KCTD8: variants seen among roughly 807,000 people sequenced by gnomAD.
KCTD8 encodes BTB/POZ domain-containing protein KCTD8.
KCTD8 carries 27 observed loss-of-function variants against 31.5 expected under a neutral mutation model. The ratio of observed to expected loss-of-function variants is 0.86; its 90% confidence interval spans 0.63 to 1.18. The LOEUF (loss-of-function observed/expected upper bound fraction) is 1.18. Ranked by LOEUF, KCTD8 falls within the 50% of genes most tolerant of loss-of-function variation. The probability of loss-of-function intolerance (pLI) is 0.00; values close to 1 mark genes in which losing one functional copy is unlikely to be tolerated. For synonymous variants in KCTD8, 290 were observed against 280.0 expected, an observed-to-expected ratio of 1.04 and a Z score of -0.36; for missense variants, 658 against 647.7, an observed-to-expected ratio of 1.02 and a Z score of -0.17.
At chr4:44,202,176 G>A (rs1011415508) in intron 1 of KCTD8, among the ~76,000 whole-genome samples, 2 of 152,230 alleles carry the variant, frequency 1.3e-5, no homozygotes, top group South Asian at 2.1e-4. Flanking sequence ...AAGGGAATAC[G>A]TGTACACTGT....
chr4:44,260,574 T>A (rs1716132297), intron 1 of KCTD8, among the ~76,000 whole-genome samples: 1 of 151,928 alleles, frequency 6.6e-6, no homozygotes, highest in Non-Finnish European at 1.5e-5. Context: ...AGCAAAGGCA[T>A]GAACGAAATG....
intron 1 of KCTD8, among the ~76,000 whole-genome samples, chr4:44,283,261 A>C (rs1406503063): frequency 6.6e-6 from 1 of 151,808 alleles, no homozygotes; most frequent in Non-Finnish European, 1.5e-5. Context: ...TGTTGGCCAG[A>C]CTGGTCTCAA....
At chr4:44,312,798 T>C (rs1358921277) in intron 1 of KCTD8, among the ~76,000 whole-genome samples, 1 of 152,212 alleles carries the variant, frequency 6.6e-6, no homozygotes, top group African/African-American at 2.4e-5. Flanking sequence ...GTTTGATGAT[T>C]GATCCAGGTA....
intron 1 of KCTD8, among the ~76,000 whole-genome samples, chr4:44,209,723 T>G (rs370365620): frequency 6.6e-6 from 1 of 152,162 alleles, no homozygotes; most frequent in African/African-American, 2.4e-5. Flanking sequence ...TCATTGTGTG[T>G]TAACATTGGA....
At chr4:44,436,086 C>T (rs1451414534) in intron 1 of KCTD8, among the ~76,000 whole-genome samples, 1 of 152,036 alleles carries the variant, frequency 6.6e-6, no homozygotes, top group Non-Finnish European at 1.5e-5. Flanking sequence ...TGCGAAGTTA[C>T]AATGGAGGGA....
At chr4:44,442,651 A>C (rs1254147505) in intron 1 of KCTD8, among the ~76,000 whole-genome samples, 1 of 152,148 alleles carries the variant, frequency 6.6e-6, no homozygotes, top group Admixed American at 6.6e-5. Flanking sequence ...ACAAGCAGAC[A>C]ATCATTTTCA....
chr4:44,270,562 G>C (rs1716561491), intron 1 of KCTD8, among the ~76,000 whole-genome samples: 1 of 151,272 alleles, frequency 6.6e-6, no homozygotes, highest in African/African-American at 2.4e-5. Context: ...AAAAAAAGAA[G>C]GTGACCTTAG....
chr4:44,290,030 C>A (rs774726032), intron 1 of KCTD8, among the ~76,000 whole-genome samples: 3 of 152,042 alleles, frequency 2.0e-5, no homozygotes, highest in Non-Finnish European at 2.9e-5. Flanking sequence ...GAAGTTGGAT[C>A]AGAAGACAAG....
At chr4:44,431,579 AAAC>A (rs1203612873) in intron 1 of KCTD8, among the ~76,000 whole-genome samples, 3 of 151,516 alleles carry the variant, frequency 2.0e-5, no homozygotes, top group Non-Finnish European at 3.0e-5. Context: ...TTAATTTTAA[AAAC>A]AACAACAACA....
At position 44,323,680 on chromosome 4, in the gene KCTD8, A is replaced by G. The variant is rs559765299; in HGVS notation, c.961+123883T>C. ...TGAAAAATTACTTTCAGTGGCAAAA[A>G]CCACAATTACTTTTGTACCAACCTA... On this transcript the variant is annotated intron_variant, in intron 1 of 1. Transcript: ENST00000360029. Among the ~76,000 whole-genome samples, 46 of 151,830 alleles carry G rather than the reference A, an allele frequency of 3.0e-4. No homozygotes were observed. The Middle Eastern group carries it at 0.014, about 45-fold the overall frequency.
intron 1 of KCTD8, among the ~76,000 whole-genome samples, chr4:44,372,906 A>G (rs1290536005): frequency 2.0e-5 from 3 of 152,188 alleles, no homozygotes; most frequent in African/African-American, 7.2e-5. Flanking sequence ...CAGCTGTATC[A>G]ATGGCTTTAG....
At chr4:44,416,568 T>C (rs931952264) in intron 1 of KCTD8, among the ~76,000 whole-genome samples, 7 of 152,164 alleles carry the variant, frequency 4.6e-5, no homozygotes, top group Non-Finnish European at 1.0e-4. Flanking sequence ...GAGCACCATA[T>C]CCTTCCTTGG....
At chr4:44,232,023 A>G (rs1407847957) in intron 1 of KCTD8, among the ~76,000 whole-genome samples, 1 of 152,154 alleles carries the variant, frequency 6.6e-6, no homozygotes, top group Non-Finnish European at 1.5e-5. Flanking sequence ...CCAAGTTTAC[A>G]TATATATGGC....
chr4:44,183,055 T>C (rs1445567446), intron 1 of KCTD8, among the ~76,000 whole-genome samples: 1 of 152,178 alleles, frequency 6.6e-6, no homozygotes, highest in African/African-American at 2.4e-5. Flanking sequence ...AGAGTACTGA[T>C]TGGATAATTG....
chr4:44,230,719 G>A (rs923388922), intron 1 of KCTD8, among the ~76,000 whole-genome samples: 2 of 152,120 alleles, frequency 1.3e-5, no homozygotes, highest in African/African-American at 2.4e-5. Flanking sequence ...AAAAATGTAG[G>A]ACCAAAATGC....
At chr4:44,313,589 C>T (rs755019915) in intron 1 of KCTD8, among the ~76,000 whole-genome samples, 18 of 152,086 alleles carry the variant, frequency 1.2e-4, no homozygotes, top group Non-Finnish European at 5.9e-5. Context: ...TAGTAATTGC[C>T]GTTCATTTAA....
chr4:44,387,800 G>C (rs1235376275), intron 1 of KCTD8, among the ~76,000 whole-genome samples: 1 of 151,906 alleles, frequency 6.6e-6, no homozygotes, highest in Non-Finnish European at 1.5e-5. Context: ...TCAGGACATA[G>C]GCACAGGCAA....
At chr4:44,443,020 G>T (rs764711397) in intron 1 of KCTD8, among the ~76,000 whole-genome samples, 1 of 152,150 alleles carries the variant, frequency 6.6e-6, no homozygotes, top group South Asian at 2.1e-4. Context: ...ACAACAATCG[G>T]TGTCATAGCA....
At chr4:44,277,581 G>T (rs1716788119) in intron 1 of KCTD8, among the ~76,000 whole-genome samples, 1 of 151,602 alleles carries the variant, frequency 6.6e-6, no homozygotes, top group South Asian at 2.1e-4. Flanking sequence ...AACAATCAAA[G>T]AACAATTATA....
Sources: allele counts gnomAD v4.1 joint callset (sites outside exome capture counted in the v4.1 genomes callset), GRCh38; gene constraint gnomAD v4.1.1; transcripts MANE v1.5; gene names NCBI Gene and HGNC (gene_info 2026-07-23, HGNC 2026-07-21).